The following SPOCK1 variants were observed in gnomAD, a reference collection of about 807,000 sequenced individuals.
The protein encoded by SPOCK1 is SPARC (osteonectin), cwcv and kazal like domains proteoglycan 1.
SPOCK1 carries 23 observed loss-of-function variants against 55.3 expected under a neutral mutation model. The ratio of observed to expected loss-of-function variants is 0.42; its 90% CI spans 0.30 to 0.59. SPOCK1 has a LOEUF of 0.59. SPOCK1 is among the 20% of genes least tolerant of loss of function. The pLI, the probability that SPOCK1 is intolerant of heterozygous loss-of-function variation, is 0.22. For synonymous variants in SPOCK1, 226 were observed against 221.0 expected (o/e 1.02, Z -0.20); for missense variants, 499 against 552.5 (o/e 0.90, Z 0.97).
intron 4 of SPOCK1, among the ~76,000 whole-genome samples, chr5:137,129,812 G>A (rs1753840524): frequency 1.3e-5 from 2 of 152,208 alleles, no homozygotes; most frequent in South Asian, 2.1e-4. Flanking sequence ...AGGAATCAGA[G>A]AAAGGCAAGC....
intron 2 of SPOCK1, among the ~76,000 whole-genome samples, chr5:137,268,697 A>G (rs753203516): frequency 3.3e-5 from 5 of 150,048 alleles, no homozygotes; most frequent in Non-Finnish European, 5.9e-5. Context: ...AGATAACCCA[A>G]GATGAACTCA....
chr5:137,220,834 G>A (rs573397610), intron 3 of SPOCK1, among the ~76,000 whole-genome samples: 1 of 152,108 alleles, frequency 6.6e-6, no homozygotes, highest in African/African-American at 2.4e-5. Flanking sequence ...AGCCTTTCTC[G>A]GGCACACACA....
At chr5:137,168,164 T>C (rs1416445396) in intron 3 of SPOCK1, among the ~76,000 whole-genome samples, 1 of 152,048 alleles carries the variant, frequency 6.6e-6, no homozygotes, top group Non-Finnish European at 1.5e-5. Context: ...TGGATATCCA[T>C]ATGCAGAAGA....
intron 6 of SPOCK1, among the ~76,000 whole-genome samples, chr5:137,049,394 T>C (rs1752162420): frequency 8.0e-6 from 1 of 124,630 alleles, no homozygotes; most frequent in Non-Finnish European, 1.7e-5. Context: ...ATTCATTTCA[T>C]CTTCCATTGC....
intron 2 of SPOCK1, among the ~76,000 whole-genome samples, chr5:137,386,076 AT>A (rs1751594365): frequency 6.6e-6 from 1 of 152,240 alleles, no homozygotes. Flanking sequence ...TTGCTTTCCT[AT>A]TTGCCAACAG....
At chr5:137,408,933 G>T (rs1752155796) in intron 2 of SPOCK1, among the ~76,000 whole-genome samples, 1 of 152,156 alleles carries the variant, frequency 6.6e-6, no homozygotes, top group South Asian at 2.1e-4. Flanking sequence ...TGGGTGAGTG[G>T]GAAGACAGCC....
intron 3 of SPOCK1, among the ~76,000 whole-genome samples, chr5:137,149,368 A>G (rs535968207): frequency 6.6e-6 from 1 of 152,324 alleles, no homozygotes; most frequent in African/African-American, 2.4e-5. Flanking sequence ...GCCAGAATTT[A>G]TTAAAATGCT....
intron 3 of SPOCK1, among the ~76,000 whole-genome samples, chr5:137,210,202 T>G (rs1466121380): frequency 6.6e-6 from 1 of 152,196 alleles, no homozygotes; most frequent in Non-Finnish European, 1.5e-5. Context: ...CCATGCTCTG[T>G]CAGCTTCCCT....
At chr5:137,112,395 T>A (rs749997254) in intron 5 of SPOCK1, 40 bp downstream of exon 5, 1 of 1,604,412 alleles carries the variant, frequency 6.2e-7, no homozygotes, top group Non-Finnish European at 8.5e-7. Flanking sequence ...CAAGCCGACA[T>A]GAAGTATTTT....
At chr5:137,299,830 T>A (rs900157112) in intron 2 of SPOCK1, among the ~76,000 whole-genome samples, 1 of 152,192 alleles carries the variant, frequency 6.6e-6, no homozygotes, top group African/African-American at 2.4e-5. Flanking sequence ...TTTAAAACTT[T>A]CTCTTTCTTT....
At chr5:137,383,985 A>C (rs1751538323) in intron 2 of SPOCK1, among the ~76,000 whole-genome samples, 1 of 152,204 alleles carries the variant, frequency 6.6e-6, no homozygotes, top group African/African-American at 2.4e-5. Context: ...CCAAGCATGG[A>C]GGCCTCTGCT....
In SPOCK1 at chr5:137,145,333, A is replaced by C. The variant is rs1246505305; in HGVS notation, c.233-4639T>G. On this transcript the variant is annotated intron_variant, in intron 3 of 10. Coordinates refer to ENST00000394945, the MANE Select transcript of SPOCK1 (RefSeq NM_004598.4). ...AAGGTGGTGATATTTTAATTATCTT[A>C]ATTGTTTCTGAACTTGTTTTTCAGT... Among the ~76,000 whole-genome samples, 5 of 152,160 alleles carry C rather than the reference A, an allele frequency of 3.3e-5. No individual in the cohort carries two copies. The East Asian group carries it at 9.6e-4, about 29-fold the overall frequency.
At chr5:137,224,083 G>A (rs1755905316) in intron 3 of SPOCK1, among the ~76,000 whole-genome samples, 1 of 152,188 alleles carries the variant, frequency 6.6e-6, no homozygotes, top group African/African-American at 2.4e-5. Context: ...TACTCTCCAA[G>A]GGAGAGGCTG....
chr5:137,180,593 AG>A (rs1289976282), intron 3 of SPOCK1, among the ~76,000 whole-genome samples: 1 of 152,178 alleles, frequency 6.6e-6, no homozygotes, highest in Non-Finnish European at 1.5e-5. Context: ...GACCTGTACC[AG>A]GGGGTCGTTT....
In SPOCK1 at chr5:137,036,820, A is replaced by C. The variant is rs574854262; in HGVS notation, c.589+30895T>G. On this transcript the variant is annotated intron_variant, in intron 6 of 10. Transcript: ENST00000394945. ...GAACCTGCTTCATAAACACTTACTT[A>C]GCAAGACATTTAAAGTGCTATTGAT... is the stretch of plus-strand genomic sequence containing the variant. 2.0e-5 allele frequency among the ~76,000 whole-genome samples: 3 copies of C among 152,292 alleles called. No individual in the cohort carries two copies. The East Asian group carries it at 5.8e-4, about 29-fold the overall frequency.
chr5:137,347,096 G>A (rs1028865344), intron 2 of SPOCK1, among the ~76,000 whole-genome samples: 3 of 152,054 alleles, frequency 2.0e-5, no homozygotes, highest in African/African-American at 7.2e-5. Flanking sequence ...CTGTATCCTG[G>A]GTAGCCCTCC....
chr5:137,235,430 C>T (rs1218352859), intron 3 of SPOCK1, among the ~76,000 whole-genome samples: 3 of 152,200 alleles, frequency 2.0e-5, no homozygotes, highest in Non-Finnish European at 4.4e-5. Context: ...AACCTTAACG[C>T]CTTATTTCAA....
intron 4 of SPOCK1, among the ~76,000 whole-genome samples, chr5:137,121,824 A>G (rs1753689484): frequency 6.8e-6 from 1 of 146,658 alleles, no homozygotes; most frequent in Non-Finnish European, 1.5e-5. Context: ...TATCCTTATT[A>G]TCCCTATTAT....
chr5:137,006,464 G>A (rs911878840), intron 6 of SPOCK1, among the ~76,000 whole-genome samples: 10 of 152,110 alleles, frequency 6.6e-5, no homozygotes, highest in Non-Finnish European at 1.5e-4. Flanking sequence ...TCTCTTTGTA[G>A]CAATTGTGAA....
Sources: gnomAD v4.1 joint callset for allele counts (sites outside exome capture counted in the v4.1 genomes callset) on GRCh38, gnomAD v4.1.1 for gene constraint, MANE v1.5 for transcripts, NCBI Gene and HGNC (gene_info 2026-07-23, HGNC 2026-07-21) for gene names.